The following MYO10 variants were observed in gnomAD, a reference collection of about 807,000 sequenced individuals.
MYO10 encodes the protein unconventional myosin-X.
Under a neutral mutation model 257.3 loss-of-function variants are expected in MYO10, and 133 were observed. The ratio of observed to expected loss-of-function variants is 0.52; its 90% CI spans 0.45 to 0.60. MYO10 has a LOEUF of 0.60. Among genes scored for constraint, MYO10 ranks in the 20% least tolerant of loss-of-function variants. The pLI is 0.00. For synonymous variants in MYO10, 1,104 were observed against 1,028.6 expected (o/e 1.07, Z -1.40); for missense variants, 2,399 against 2,635.7 (o/e 0.91, Z 1.97).
chr5:16,818,398 G>GTA (rs1189413374), intron 2 of MYO10, among the ~76,000 whole-genome samples: 39 of 107,808 alleles, frequency 3.6e-4, no homozygotes, highest in Middle Eastern at 4.3e-3. Context: ...GTGTGTGTGT[G>GTA]TGTGTGTGTG....
chr5:16,845,380 T>C (rs1743604352), intron 2 of MYO10, among the ~76,000 whole-genome samples: 1 of 152,158 alleles, frequency 6.6e-6, no homozygotes, highest in East Asian at 1.9e-4. Flanking sequence ...AAAAATGTCT[T>C]TTAGGCTGGG....
chr5:16,781,358 G>C (rs937669563), intron 6 of MYO10, among the ~76,000 whole-genome samples: 1 of 152,122 alleles, frequency 6.6e-6, no homozygotes, highest in Non-Finnish European at 1.5e-5. Context: ...GGGATTACAG[G>C]CATGAGCCAC....
At chr5:16,885,913 TG>T (rs1744884607) in intron 1 of MYO10, among the ~76,000 whole-genome samples, 1 of 152,124 alleles carries the variant, frequency 6.6e-6, no homozygotes, top group South Asian at 2.1e-4. Context: ...CAAGCATCCC[TG>T]GACACCCAGG....
intron 19 of MYO10, among the ~76,000 whole-genome samples, chr5:16,738,913 T>G (rs1224593934): frequency 5.6e-5 from 6 of 108,004 alleles, no homozygotes; most frequent in South Asian, 2.8e-4. Context: ...AAAAAAAAAG[T>G]ACACAACTGT....
chr5:16,857,156 G>A (rs1249941276), intron 2 of MYO10, among the ~76,000 whole-genome samples: 1 of 152,124 alleles, frequency 6.6e-6, no homozygotes, highest in Non-Finnish European at 1.5e-5. Flanking sequence ...ACAACACACA[G>A]GCTTGTCCTC....
intron 3 of MYO10, among the ~76,000 whole-genome samples, chr5:16,803,108 T>TA (rs1274991885): frequency 2.7e-5 from 4 of 150,762 alleles, no homozygotes; most frequent in Non-Finnish European, 5.9e-5. Flanking sequence ...CTTGTCTCTT[T>TA]AAAAAAATTT....
intron 3 of MYO10, among the ~76,000 whole-genome samples, chr5:16,799,637 T>C (rs1446359140): frequency 6.6e-6 from 1 of 151,938 alleles, no homozygotes; most frequent in Non-Finnish European, 1.5e-5. Context: ...GGATAACAGG[T>C]GTGTGCCCCT....
intron 1 of MYO10, among the ~76,000 whole-genome samples, chr5:16,895,403 G>A (rs173789): frequency 9.9e-5 from 15 of 151,976 alleles, no homozygotes; most frequent in East Asian, 1.9e-4. Flanking sequence ...GCAGCTCACC[G>A]GAGGCTCTGA....
intron 2 of MYO10, among the ~76,000 whole-genome samples, chr5:16,842,160 C>G: frequency 6.6e-6 from 1 of 152,046 alleles, no homozygotes; most frequent in Non-Finnish European, 1.5e-5. Context: ...GATCATGTGC[C>G]CCCAGACCTA....
intron 3 of MYO10, 76 bp from the exon 4 acceptor site, chr5:16,794,909 A>C: frequency 1.7e-6 from 2 of 1,169,104 alleles, no homozygotes; most frequent in Non-Finnish European, 2.2e-6. Context: ...AAACCCACCG[A>C]GTGTGCGCCA....
chr5:16,729,053 C>T (rs1033217456), intron 19 of MYO10, among the ~76,000 whole-genome samples: 15 of 152,254 alleles, frequency 9.9e-5, no homozygotes, highest in Admixed American at 3.3e-4. Flanking sequence ...CACCAGTCCT[C>T]AATGAATTGG....
At chr5:16,736,739 AAAG>A (rs1739820593) in intron 19 of MYO10, among the ~76,000 whole-genome samples, 2 of 152,316 alleles carry the variant, frequency 1.3e-5, no homozygotes, top group Middle Eastern at 3.4e-3. Flanking sequence ...CAGAAAAAGA[AAAG>A]AAGAAAAAGA....
chr5:16,840,216 C>T (rs980233684), intron 2 of MYO10, among the ~76,000 whole-genome samples: 12 of 152,108 alleles, frequency 7.9e-5, no homozygotes, highest in African/African-American at 2.9e-4. Flanking sequence ...GGTTCGAGAC[C>T]AGCCTGAACA....
chr5:16,893,196 C>A (rs866384760), intron 1 of MYO10, among the ~76,000 whole-genome samples: 697 of 69,444 alleles, frequency 0.01, no homozygotes, highest in Middle Eastern at 0.031. Context: ...GACTCTGTCT[C>A]AAAAAAAAAA....
rs148282037 is a variant in MYO10 at position 16,801,259 on chromosome 5, G to A, written c.280-6426C>T. On this transcript the variant is annotated intron_variant, in intron 3 of 40. Transcript: ENST00000513610. ...GTCTCGCTCCGTTGCCCAGGCTGCC[G>A]TGCAGTGGTGCAATCTCAGCTTACT... 3.3e-5 allele frequency among the ~76,000 whole-genome samples: 5 copies of A among 152,208 alleles called. No individual in the cohort carries two copies. The East Asian group carries it at 7.7e-4, about 24-fold the overall frequency.
chr5:16,799,175 G>A (rs1426716063), intron 3 of MYO10, among the ~76,000 whole-genome samples: 2 of 145,100 alleles, frequency 1.4e-5, no homozygotes, highest in African/African-American at 2.5e-5. Flanking sequence ...CCTCCTCCTG[G>A]TTGGGGAACC....
At chr5:16,674,359 C>T (rs1736621907) in intron 35 of MYO10, among the ~76,000 whole-genome samples, 1 of 151,998 alleles carries the variant, frequency 6.6e-6, no homozygotes. Context: ...ATCTCAGCTA[C>T]TCAGGAGGCT....
intron 1 of MYO10, among the ~76,000 whole-genome samples, chr5:16,895,932 G>A (rs998127065): frequency 6.6e-6 from 1 of 152,200 alleles, no homozygotes; most frequent in South Asian, 2.1e-4. Flanking sequence ...CGGGGGCAGG[G>A]AGGAGCAGGG....
intron 19 of MYO10, among the ~76,000 whole-genome samples, chr5:16,715,757 T>C (rs77431416): frequency 6.6e-6 from 1 of 152,074 alleles, no homozygotes; most frequent in Admixed American, 6.5e-5. Flanking sequence ...GTTAAAAAAA[T>C]TTTTTAAGTA....
Sources: gnomAD v4.1 joint callset for allele counts (sites outside exome capture counted in the v4.1 genomes callset) on GRCh38, gnomAD v4.1.1 for gene constraint, MANE v1.5 for transcripts, NCBI Gene and HGNC (gene_info 2026-07-23, HGNC 2026-07-21) for gene names.